The following SPMIP2 variants were observed in gnomAD, a reference collection of about 807,000 sequenced individuals.
The protein encoded by SPMIP2 is protein SPMIP2.
the SPMIP2 span, among the ~76,000 whole-genome samples, chr4:159,039,433 G>A: frequency 6.6e-6 from 1 of 152,124 alleles, no homozygotes. Flanking sequence ...AGTGTGTATC[G>A]AAGAGTAAGA....
At chr4:159,079,672 C>T in the SPMIP2 span, among the ~76,000 whole-genome samples, 30 of 152,182 alleles carry the variant, frequency 2.0e-4, no homozygotes, top group Admixed American at 1.9e-3. Flanking sequence ...AATTTGGAAT[C>T]CTGAATTTCA....
the SPMIP2 span, chr4:158,893,333 C>G: frequency 5.3e-6 from 1 of 188,078 alleles, no homozygotes; most frequent in Admixed American, 5.7e-5. Flanking sequence ...CTTTCAAAGC[C>G]TTAATTTCCT....
At chr4:158,961,019 G>C in the SPMIP2 span, among the ~76,000 whole-genome samples, 1 of 151,082 alleles carries the variant, frequency 6.6e-6, no homozygotes, top group African/African-American at 2.4e-5. Flanking sequence ...GGGAATAAAA[G>C]TGTCAAATTT....
chr4:158,939,416 C>T, the SPMIP2 span, among the ~76,000 whole-genome samples: 1 of 152,230 alleles, frequency 6.6e-6, no homozygotes, highest in Non-Finnish European at 1.5e-5. Context: ...CTCCACACCA[C>T]CCCATAATAT....
At chr4:159,007,109 T>G in the SPMIP2 span, 3 of 608,816 alleles carry the variant, frequency 4.9e-6, no homozygotes, top group South Asian at 4.1e-5. Flanking sequence ...ATCTAGCAAC[T>G]GAAGCAGCAT....
the SPMIP2 span, chr4:158,973,247 C>CCTA: frequency 6.2e-7 from 1 of 1,613,876 alleles, no homozygotes; most frequent in South Asian, 1.1e-5. Context: ...ACGCCAGATG[C>CCTA]TGTTCTCCTA....
At chr4:159,012,193 C>T in the SPMIP2 span, among the ~76,000 whole-genome samples, 3 of 152,054 alleles carry the variant, frequency 2.0e-5, no homozygotes, top group African/African-American at 4.8e-5. Context: ...CACTTGAGCC[C>T]AGGAGTTCAA....
At chr4:159,018,308 T>G in the SPMIP2 span, among the ~76,000 whole-genome samples, 1 of 152,188 alleles carries the variant, frequency 6.6e-6, no homozygotes, top group South Asian at 2.1e-4. Flanking sequence ...GCTTCACTTC[T>G]GCTTTCCAAA....
the SPMIP2 span, among the ~76,000 whole-genome samples, chr4:159,003,844 T>C: frequency 1.3e-5 from 2 of 152,106 alleles, no homozygotes; most frequent in African/African-American, 4.8e-5. Flanking sequence ...CAAACTACCA[T>C]TCCCCAGGAC....
the SPMIP2 span, among the ~76,000 whole-genome samples, chr4:158,975,274 T>C: frequency 6.6e-6 from 1 of 152,210 alleles, no homozygotes; most frequent in Admixed American, 6.5e-5. Context: ...GATAGTTTTT[T>C]TTTGCTGTAT....
At chr4:159,031,810 C>G in the SPMIP2 span, among the ~76,000 whole-genome samples, 4 of 152,070 alleles carry the variant, frequency 2.6e-5, no homozygotes, top group Admixed American at 2.0e-4. Context: ...ATATGGGTGA[C>G]AGGTAAGTGG....
At chr4:159,075,066 A>G in the SPMIP2 span, among the ~76,000 whole-genome samples, 1 of 152,154 alleles carries the variant, frequency 6.6e-6, no homozygotes, top group Non-Finnish European at 1.5e-5. Flanking sequence ...CTTCTCTCCC[A>G]TCTCCTGCTG....
At chr4:159,005,889 T>G in the SPMIP2 span, among the ~76,000 whole-genome samples, 1 of 152,190 alleles carries the variant, frequency 6.6e-6, no homozygotes, top group Non-Finnish European at 1.5e-5. Context: ...CTTAGCCTCC[T>G]GAGTAGCTGG....
the SPMIP2 span, chr4:159,035,092 G>C: frequency 6.2e-7 from 1 of 1,612,454 alleles, no homozygotes; most frequent in Non-Finnish European, 8.5e-7. Context: ...TGATACAGAT[G>C]CCATGGCTAA....
the SPMIP2 span, among the ~76,000 whole-genome samples, chr4:159,013,236 T>G: frequency 6.6e-6 from 1 of 152,236 alleles, no homozygotes; most frequent in South Asian, 2.1e-4. Context: ...CAGTTCTGGG[T>G]ATATACCCAA....
the SPMIP2 span, among the ~76,000 whole-genome samples, chr4:158,900,359 G>T: frequency 6.6e-6 from 1 of 152,014 alleles, no homozygotes; most frequent in Non-Finnish European, 1.5e-5. Flanking sequence ...TATTAGGTCT[G>T]CTTGGTCCAG....
At chr4:158,976,238 G>T in the SPMIP2 span, among the ~76,000 whole-genome samples, 1 of 152,194 alleles carries the variant, frequency 6.6e-6, no homozygotes, top group Non-Finnish European at 1.5e-5. Flanking sequence ...TGCAAAGAGA[G>T]ATAATTTGAC....
chr4:159,035,336 A>G, the SPMIP2 span, among the ~76,000 whole-genome samples: 2 of 152,224 alleles, frequency 1.3e-5, no homozygotes, highest in East Asian at 3.8e-4. Context: ...ACTTGCATCC[A>G]GTAATAACTT....
At chr4:159,048,731 CTTTTTT>C in the SPMIP2 span, among the ~76,000 whole-genome samples, 2 of 111,470 alleles carry the variant, frequency 1.8e-5, no homozygotes, top group Admixed American at 9.8e-5. Context: ...TCCCCTTCCA[CTTTTTT>C]TTTTTTTTTT....
Sources: gnomAD v4.1 joint callset for allele counts (sites outside exome capture counted in the v4.1 genomes callset) on GRCh38, gnomAD v4.1.1 for gene constraint, MANE v1.5 for transcripts, NCBI Gene and HGNC (gene_info 2026-07-23, HGNC 2026-07-21) for gene names.